Variants in ADAMTS19 observed in about 807,000 individuals in gnomAD.
The protein encoded by ADAMTS19 is A disintegrin and metalloproteinase with thrombospondin motifs 19.
In ADAMTS19, 93 loss-of-function variants were observed where a neutral mutation model predicts 153.3. The observed-to-expected ratio is 0.61, with a 90% CI of 0.51 to 0.72. ADAMTS19 has a LOEUF of 0.72. Among genes scored for constraint, ADAMTS19 ranks in the 30% least tolerant of loss-of-function variants. The pLI, the probability that ADAMTS19 is intolerant of heterozygous loss-of-function variation, is 0.00. For missense variants in ADAMTS19, 1,482 were observed against 1,552.1 expected (o/e 0.95, Z 0.76); for synonymous variants, 600 against 556.6 (o/e 1.08, Z -1.10).
intron 2 of ADAMTS19, among the ~76,000 whole-genome samples, chr5:129,468,501 G>A (rs185043831): frequency 0.016 from 2,465 of 151,206 alleles, 66 homozygotes; most frequent in African/African-American, 0.056. Flanking sequence ...CTACAGGCGC[G>A]CACCACCACG....
chr5:129,661,111 C>T (rs1753797416), intron 15 of ADAMTS19, among the ~76,000 whole-genome samples: 1 of 152,148 alleles, frequency 6.6e-6, no homozygotes, highest in Non-Finnish European at 1.5e-5. Flanking sequence ...TGAAGTGATA[C>T]CTGCTATGAC....
rs1234184758 is a variant in ADAMTS19, at chr5:129,704,311, C to T, written c.3232C>T (p.Leu1078Phe). 7 of 1,614,016 alleles carry T rather than the reference C, an allele frequency of 4.3e-6. No homozygotes were observed. Among genetic ancestry groups the T allele is most frequent in the Non-Finnish European group, 5.9e-6 (7 of 1,180,006 alleles). The change falls in exon 21 of 23, where the codon CTC (leucine) becomes TTC (phenylalanine). Residue 1078 changes from leucine to phenylalanine, a missense_variant. Leu to Phe is a conservative substitution (Grantham distance 22, BLOSUM62 0). Transcript: ENST00000274487. ...RCTNPRKKCV[L>F]STRPREAEDC... Reference sequence around the variant, plus strand: ...TACCAACCCAAGAAAGAAGTGTGTCCTCTCTACCAGACCCAGGGAGGCTGA... The same window carrying T: ...TACCAACCCAAGAAAGAAGTGTGTCTTCTCTACCAGACCCAGGGAGGCTGA...
intron 8 of ADAMTS19, 110 bp from the exon 9 acceptor site, chr5:129,620,508 G>A (rs1175341631): frequency 2.1e-5 from 15 of 708,332 alleles, no homozygotes; most frequent in African/African-American, 1.9e-5. Context: ...AAACAAATTT[G>A]GCCCCCAGTA....
intron 15 of ADAMTS19, among the ~76,000 whole-genome samples, chr5:129,663,889 C>T (rs1753925182): frequency 6.6e-6 from 1 of 152,202 alleles, no homozygotes; most frequent in African/African-American, 2.4e-5. Context: ...TATTCAAGTG[C>T]CACTAACCAC....
chr5:129,626,624 T>C (rs1223114923), intron 10 of ADAMTS19, among the ~76,000 whole-genome samples: 2 of 152,078 alleles, frequency 1.3e-5, no homozygotes, highest in African/African-American at 4.8e-5. Context: ...AGTAACCTAA[T>C]AGACGATAGA....
chr5:129,618,669 AT>A (rs1751639905), intron 8 of ADAMTS19, among the ~76,000 whole-genome samples: 1 of 151,954 alleles, frequency 6.6e-6, no homozygotes, highest in Non-Finnish European at 1.5e-5. Context: ...AGTTCTTTTA[AT>A]TTCATGTTTT....
chr5:129,501,363 A>T (rs1252631713), intron 2 of ADAMTS19, among the ~76,000 whole-genome samples: 1 of 152,164 alleles, frequency 6.6e-6, no homozygotes, highest in East Asian at 1.9e-4. Context: ...GTCTGATCAT[A>T]TAGAACAGTC....
At chr5:129,527,877 T>C in intron 5 of ADAMTS19, 46 bp downstream of exon 5, 1 of 1,248,544 alleles carries the variant, frequency 8.0e-7, no homozygotes, top group Non-Finnish European at 1.2e-6. Context: ...GGGGAGAAAT[T>C]TTGTTCAGAA....
intron 6 of ADAMTS19, among the ~76,000 whole-genome samples, chr5:129,540,121 A>G (rs1752606324): frequency 6.6e-6 from 1 of 152,140 alleles, no homozygotes; most frequent in African/African-American, 2.4e-5. Flanking sequence ...GTTCTTATCC[A>G]TATTTGGCAG....
At chr5:129,545,830 A>G (rs1244864886) in intron 6 of ADAMTS19, among the ~76,000 whole-genome samples, 2 of 149,992 alleles carry the variant, frequency 1.3e-5, no homozygotes, top group Admixed American at 1.3e-4. Context: ...CAGTGTGGCG[A>G]TTCCTCAGGG....
intron 8 of ADAMTS19, among the ~76,000 whole-genome samples, chr5:129,618,674 A>T (rs1017602011): frequency 6.6e-6 from 1 of 151,956 alleles, no homozygotes; most frequent in Non-Finnish European, 1.5e-5. Flanking sequence ...TTTTAATTTC[A>T]TGTTTTAAAA....
At chr5:129,658,377 G>GAGAGAGAGAGA (rs1318590344) in intron 14 of ADAMTS19, among the ~76,000 whole-genome samples, 2 of 148,208 alleles carry the variant, frequency 1.3e-5, no homozygotes, top group African/African-American at 2.6e-5. Context: ...AAGAGAGAGA[G>GAGAGAGAGAGA]GAAGGAAGGA....
chr5:129,638,164 A>T (rs1233933939), intron 10 of ADAMTS19, among the ~76,000 whole-genome samples: 1 of 152,180 alleles, frequency 6.6e-6, no homozygotes, highest in African/African-American at 2.4e-5. Context: ...TGTTCTCTAG[A>T]AAGTTTCTCT....
At chr5:129,691,008 A>C (rs1755308565) in intron 18 of ADAMTS19, among the ~76,000 whole-genome samples, 1 of 152,176 alleles carries the variant, frequency 6.6e-6, no homozygotes, top group South Asian at 2.1e-4. Context: ...TTTACAATGC[A>C]AGTTCTAGTA....
chr5:129,498,073 C>T (rs769698156), intron 2 of ADAMTS19, among the ~76,000 whole-genome samples: 2 of 152,036 alleles, frequency 1.3e-5, no homozygotes, highest in Non-Finnish European at 2.9e-5. Flanking sequence ...TTGCTGCCAT[C>T]ATTGTTTATG....
At chr5:129,587,650 C>G (rs6877447) in intron 7 of ADAMTS19, among the ~76,000 whole-genome samples, 8,980 of 152,124 alleles carry the variant, frequency 0.059, 426 homozygotes, top group African/African-American at 0.13. Flanking sequence ...ATTTAAAATA[C>G]CATTCCATGC....
At chr5:129,489,119 A>T (rs563251482) in intron 2 of ADAMTS19, among the ~76,000 whole-genome samples, 209 of 152,256 alleles carry the variant, frequency 1.4e-3, no homozygotes, top group African/African-American at 4.9e-3. Context: ...TTTTCTAGGA[A>T]CTAGGAATCA....
At chr5:129,665,845 A>G (rs1754026196) in intron 16 of ADAMTS19, among the ~76,000 whole-genome samples, 1 of 150,192 alleles carries the variant, frequency 6.7e-6, no homozygotes, top group South Asian at 2.1e-4. Flanking sequence ...AAACAAAACA[A>G]AAACCTCATT....
At chr5:129,724,876 G>T (rs1757142251) in intron 21 of ADAMTS19, among the ~76,000 whole-genome samples, 2 of 152,072 alleles carry the variant, frequency 1.3e-5, no homozygotes, top group Admixed American at 1.3e-4. Context: ...TCTCCACTTG[G>T]CTGGCATCAT....
Sources: allele counts gnomAD v4.1 joint callset (sites outside exome capture counted in the v4.1 genomes callset), GRCh38; gene constraint gnomAD v4.1.1; transcripts MANE v1.5; gene names NCBI Gene and HGNC (gene_info 2026-07-23, HGNC 2026-07-21).